Variants in RYK observed in about 807,000 individuals in gnomAD.
The protein encoded by RYK is receptor like tyrosine kinase, also known as inactive tyrosine-protein kinase RYK.
A neutral mutation model predicts 70.2 loss-of-function variants in RYK; 21 were observed. The ratio of observed to expected loss-of-function variants is 0.30; its 90% CI spans 0.21 to 0.43. The LOEUF is 0.43. Ranked by LOEUF, RYK falls within the 20% of genes least tolerant of loss-of-function variation. The probability of loss-of-function intolerance (pLI) is 1.00; values close to 1 mark genes in which losing one functional copy is unlikely to be tolerated. For missense variants in RYK, 604 were observed against 753.3 expected (o/e 0.80, Z 2.32); for synonymous variants, 267 against 278.0 (o/e 0.96, Z 0.39).
intron 1 of RYK, among the ~76,000 whole-genome samples, chr3:134,243,719 A>G (rs558988602): frequency 6.6e-6 from 1 of 152,306 alleles, no homozygotes; most frequent in South Asian, 2.1e-4. Flanking sequence ...TCATCCTTCA[A>G]GATGAGGCTC....
chr3:134,167,713 A>T (rs1018850428), intron 13 of RYK, among the ~76,000 whole-genome samples: 12 of 152,204 alleles, frequency 7.9e-5, no homozygotes, highest in African/African-American at 2.9e-4. Flanking sequence ...CATAGGCATG[A>T]GCAAGGACTT....
At chr3:134,161,757 T>C (rs548517479) in intron 13 of RYK, among the ~76,000 whole-genome samples, 11 of 151,148 alleles carry the variant, frequency 7.3e-5, no homozygotes, top group Admixed American at 7.2e-4. Context: ...AGATACTGAA[T>C]TCACAATTCA....
intron 2 of RYK, among the ~76,000 whole-genome samples, chr3:134,215,786 C>T (rs1260680756): frequency 6.6e-6 from 1 of 151,974 alleles, no homozygotes; most frequent in Non-Finnish European, 1.5e-5. Context: ...ACCTGTAATC[C>T]CAGCATTCTG....
intron 9 of RYK, 71 bp downstream of exon 9, chr3:134,188,766 C>T: frequency 2.3e-6 from 2 of 884,896 alleles, no homozygotes; most frequent in Non-Finnish European, 3.6e-6. Flanking sequence ...GAAACTGAGA[C>T]AGAATTTTGC....
At chr3:134,235,897 T>C (rs2015187770) in intron 1 of RYK, among the ~76,000 whole-genome samples, 1 of 152,038 alleles carries the variant, frequency 6.6e-6, no homozygotes, top group Admixed American at 6.6e-5. Flanking sequence ...CAGAGCCTGG[T>C]TCCAATAGAA....
intron 1 of RYK, among the ~76,000 whole-genome samples, chr3:134,232,557 T>A (rs1560026719): frequency 6.6e-6 from 1 of 152,196 alleles, no homozygotes; most frequent in Non-Finnish European, 1.5e-5. Flanking sequence ...TACCATAGAC[T>A]GAGGTGTTTA....
rs1260672644 is a variant in RYK, at chr3:134,159,220, A to G, written c.1712+17T>C. 1 of 1,613,540 alleles carries G rather than the reference A, an allele frequency of 6.2e-7. No individual in the cohort carries two copies. ...AAATGGAATAAAACTCATGCCTTCAAGCTCAAAAAAACTCACAATTCATCA... is the reference window on the plus strand; with the variant it reads ...AAATGGAATAAAACTCATGCCTTCAGGCTCAAAAAAACTCACAATTCATCA... On this transcript the variant is annotated intron_variant, in intron 14 of 14. Transcript: ENST00000623711.
In RYK at chr3:134,158,111, C is replaced by T. The variant is rs749584238; in HGVS notation, c.*42G>A. Reference sequence around the variant, plus strand: ...TCCCTGACAGGCTTCAAGTGAGCCCCGACAGGCACCTTCTTCCTGATGGTG... The same window carrying T: ...TCCCTGACAGGCTTCAAGTGAGCCCTGACAGGCACCTTCTTCCTGATGGTG... On this transcript the variant is annotated 3_prime_UTR_variant, in exon 15 of 15. Transcript: ENST00000623711. 34 of 1,197,508 alleles carry T rather than the reference C, an allele frequency of 2.8e-5. No individual in the cohort carries two copies. The South Asian group carries it at 4.4e-4, about 15-fold the overall frequency. The allele number at this position is 1,197,508 out of a possible 1,614,324, so 74.2% of individuals were successfully genotyped here. A position where few individuals can be genotyped will look rare whatever the true frequency, so the allele number is the denominator to read the frequency against.
intron 5 of RYK, among the ~76,000 whole-genome samples, chr3:134,206,547 T>C (rs2014217876): frequency 6.6e-6 from 1 of 152,168 alleles, no homozygotes; most frequent in Admixed American, 6.5e-5. Flanking sequence ...TCGGGTTAAT[T>C]TGAACATGGA....
chr3:134,185,365 C>T (rs1193356993), intron 9 of RYK, among the ~76,000 whole-genome samples: 1 of 152,172 alleles, frequency 6.6e-6, no homozygotes, highest in African/African-American at 2.4e-5. Context: ...TCATTTACTT[C>T]CACATCTACC....
intron 7 of RYK, among the ~76,000 whole-genome samples, chr3:134,193,761 T>C (rs1328560103): frequency 6.6e-6 from 1 of 152,230 alleles, no homozygotes; most frequent in African/African-American, 2.4e-5. Context: ...TCCTCCTTTT[T>C]TCTTGCCACT....
At chr3:134,219,173 T>C (rs528127389) in intron 2 of RYK, among the ~76,000 whole-genome samples, 1 of 152,250 alleles carries the variant, frequency 6.6e-6, no homozygotes, top group East Asian at 1.9e-4. Flanking sequence ...AAATGTACCA[T>C]GCTAACACTG....
chr3:134,209,896 T>A lies in RYK; in HGVS notation c.455-67A>T, dbSNP rs1229849477. 14 of 1,139,618 alleles carry A rather than the reference T, an allele frequency of 1.2e-5. No individual in the cohort carries two copies. In the East Asian group the frequency reaches 3.7e-4, roughly 30 times the overall value. 70.6% of individuals were successfully genotyped at this position (1,139,618 alleles called of 1,614,324 possible). On this transcript the variant is annotated intron_variant, in intron 3 of 14. Transcript: ENST00000623711. ...AATCAACATTAATGCCCCAAAATGA[T>A]TCTTTTAAACATTTTAGAATTACTT...
At chr3:134,225,401 CTAA>C (rs1005008065) in intron 1 of RYK, among the ~76,000 whole-genome samples, 13 of 150,844 alleles carry the variant, frequency 8.6e-5, no homozygotes, top group East Asian at 5.8e-4. Flanking sequence ...ATAAAATTTA[CTAA>C]TGAGTTCATA....
chr3:134,170,950 TGA>T (rs2012879330), intron 13 of RYK: 1 of 157,792 alleles, frequency 6.3e-6, no homozygotes, highest in Non-Finnish European at 1.4e-5. Context: ...AGGAGAAGTA[TGA>T]GAAGGATGTT....
intron 14 of RYK, among the ~76,000 whole-genome samples, chr3:134,159,003 G>A (rs1292517051): frequency 6.6e-6 from 1 of 152,092 alleles, no homozygotes; most frequent in Non-Finnish European, 1.5e-5. Flanking sequence ...CTAATTTATA[G>A]TGCTTAGATT....
intron 1 of RYK, 130 bp from the exon 2 acceptor site, chr3:134,222,669 A>C: frequency 2.8e-6 from 2 of 726,314 alleles, no homozygotes; most frequent in Admixed American, 2.9e-5. Flanking sequence ...TGGCCCTAAC[A>C]TGGGCTGCCT....
At chr3:134,169,371 C>T (rs2012812791) in intron 13 of RYK, among the ~76,000 whole-genome samples, 1 of 152,014 alleles carries the variant, frequency 6.6e-6, no homozygotes. Context: ...AGATGTAAAT[C>T]AAGAACTCTA....
intron 1 of RYK, among the ~76,000 whole-genome samples, chr3:134,249,917 G>GTT (rs71624038): frequency 0.066 from 6,118 of 92,974 alleles, 901 homozygotes; most frequent in South Asian, 0.18. Context: ...TTTCTCTCTC[G>GTT]TTTTTTTTTT....
Sources: gnomAD v4.1 joint callset for allele counts (sites outside exome capture counted in the v4.1 genomes callset) on GRCh38, gnomAD v4.1.1 for gene constraint, MANE v1.5 for transcripts, NCBI Gene and HGNC (gene_info 2026-07-23, HGNC 2026-07-21) for gene names.